The following ARRDC5 variants were observed in gnomAD, a reference collection of about 807,000 sequenced individuals.
The protein encoded by ARRDC5 is arrestin domain containing 5.
Under a neutral mutation model 13.3 loss-of-function variants are expected in ARRDC5, and 12 were observed. That is an observed-to-expected ratio of 0.90 (90% CI 0.58 to 1.46). The LOEUF is 1.46. Among genes scored for constraint, ARRDC5 ranks in the 40% most tolerant of loss-of-function variants. The pLI is 0.00. For synonymous variants in ARRDC5, 181 were observed against 173.4 expected (o/e 1.04, Z -0.34); for missense variants, 406 against 418.7 (o/e 0.97, Z 0.26).
chr19:4,909,271 C>G, the ARRDC5 span: 1 of 527,690 alleles, frequency 1.9e-6, no homozygotes, highest in African/African-American at 2.0e-5. Context: ...GTGACCAGGC[C>G]CTGCCACGCA....
Position 4,891,010 on chromosome 19 carries a change from A to T in ARRDC5, c.*36T>A. On this transcript the variant is annotated 3_prime_UTR_variant, in exon 3 of 3. Coordinates refer to ENST00000650722, the MANE Select transcript of ARRDC5 (RefSeq NM_001080523.3). ...GAGAGAGGGCTTCCTCCTGGTAGAG[A>T]CTAATAAAGCTTTTAATATTTAAAA... is the stretch of plus-strand genomic sequence containing the variant. 4 of 1,558,376 alleles carry T rather than the reference A, an allele frequency of 2.6e-6. No homozygotes were observed. Among genetic ancestry groups the T allele is most frequent in the Non-Finnish European group, 3.5e-6 (4 of 1,149,224 alleles).
chr19:4,902,997 G>C (rs2031976582), upstream of ARRDC5: 1 of 766,050 alleles, frequency 1.3e-6, no homozygotes, highest in Non-Finnish European at 2.1e-6. Flanking sequence ...AGGGTGGGTG[G>C]TTGATTGGGA....
the ARRDC5 span, among the ~76,000 whole-genome samples, chr19:4,915,950 T>C: frequency 2.6e-5 from 4 of 152,134 alleles, no homozygotes; most frequent in Non-Finnish European, 5.9e-5. Context: ...CTTTACATCA[T>C]CCAGAATGAT....
At chr19:4,900,462 C>G (rs2031880708) in intron 1 of ARRDC5, among the ~76,000 whole-genome samples, 1 of 152,116 alleles carries the variant, frequency 6.6e-6, no homozygotes, top group Non-Finnish European at 1.5e-5. Flanking sequence ...TGGCATTATT[C>G]TAAGCGCTTT....
Position 4,891,036 on chromosome 19 carries a change from G to A in ARRDC5, c.*10C>T. 2 of 1,600,732 alleles carry A rather than the reference G, an allele frequency of 1.2e-6. No individual in the cohort carries two copies. The highest frequency in any genetic ancestry group is 8.5e-7 in the Non-Finnish European group (1 of 1,174,152). On this transcript the variant is annotated 3_prime_UTR_variant, in exon 3 of 3. Transcript: ENST00000650722. Reference sequence around the variant, plus strand: ...CTAATAAAGCTTTTAATATTTAAAAGTTCGGGCACTTAATTCTGGTGATCT... The same window carrying A: ...CTAATAAAGCTTTTAATATTTAAAAATTCGGGCACTTAATTCTGGTGATCT...
chr19:4,912,738 T>C, the ARRDC5 span, among the ~76,000 whole-genome samples: 2 of 152,090 alleles, frequency 1.3e-5, no homozygotes, highest in Non-Finnish European at 2.9e-5. Context: ...GTATTTGTTT[T>C]TGGTTCTGTT....
Position 4,902,879 on chromosome 19 carries a change from TC to T in ARRDC5, c.-55del. The T allele has an allele frequency of 6.2e-7, 1 of 1,611,468 alleles. No homozygotes were observed. Among genetic ancestry groups the T allele is most frequent in the Non-Finnish European group, 8.5e-7 (1 of 1,178,594 alleles). ...TCTCTGTCCCCCATGTCCCTGAAAT[TC>T]CCGGTTCGTTGGCCCTAGTGAGGTA... is the stretch of plus-strand genomic sequence containing the variant. On this transcript the variant is annotated 5_prime_UTR_variant, in exon 1 of 3. Coordinates refer to ENST00000650722, the MANE Select transcript of ARRDC5 (RefSeq NM_001080523.3).
At chr19:4,899,764 C>CTAAA in intron 1 of ARRDC5, among the ~76,000 whole-genome samples, 1 of 67,980 alleles carries the variant, frequency 1.5e-5, no homozygotes, top group Non-Finnish European at 2.8e-5. Context: ...CCCGTCTCTA[C>CTAAA]AAAAAAAAAA....
chr19:4,902,941 G>A, upstream of ARRDC5: 1 of 1,527,600 alleles, frequency 6.5e-7, no homozygotes, highest in Non-Finnish European at 8.9e-7. Flanking sequence ...AGAGTTCCGG[G>A]AAGTGGGGAC....
At chr19:4,896,129 A>G (rs2031700179) in intron 2 of ARRDC5, among the ~76,000 whole-genome samples, 1 of 151,986 alleles carries the variant, frequency 6.6e-6, no homozygotes, top group Non-Finnish European at 1.5e-5. Context: ...AGCCTTGCCA[A>G]CATGGCGAAA....
At chr19:4,902,142 G>T (rs900706718) in intron 1 of ARRDC5, among the ~76,000 whole-genome samples, 2 of 151,980 alleles carry the variant, frequency 1.3e-5, no homozygotes, top group Non-Finnish European at 2.9e-5. Context: ...CACCTGCCTC[G>T]GCCTCTCAAA....
At position 4,890,890 on chromosome 19, in the gene ARRDC5, G is replaced by A; in HGVS notation, c.*156C>T. The A allele has an allele frequency of 3.2e-6, 2 of 630,190 alleles. No homozygotes were observed. Among genetic ancestry groups the A allele is most frequent in the Non-Finnish European group, 5.5e-6 (2 of 362,324 alleles). 39.0% of individuals were successfully genotyped at this position (630,190 alleles called of 1,614,324 possible). A position where few individuals can be genotyped will look rare whatever the true frequency, so the allele number is the denominator to read the frequency against. ...CCAGGCATTCAGTGATAGTTCTAGGGAGGGGAGACACAGATACCTAAACCG... is the reference window on the plus strand; with the variant it reads ...CCAGGCATTCAGTGATAGTTCTAGGAAGGGGAGACACAGATACCTAAACCG... On this transcript the variant is annotated 3_prime_UTR_variant, in exon 3 of 3. Coordinates refer to ENST00000650722, the MANE Select transcript of ARRDC5 (RefSeq NM_001080523.3).
At chr19:4,906,398 G>A (rs2032064999), upstream of ARRDC5, among the ~76,000 whole-genome samples, 2 of 152,158 alleles carry the variant, frequency 1.3e-5, no homozygotes. Context: ...TACCTCCTCT[G>A]TGACACTTAA....
At chr19:4,898,563 T>A (rs1195008073) in intron 1 of ARRDC5, among the ~76,000 whole-genome samples, 2 of 152,102 alleles carry the variant, frequency 1.3e-5, no homozygotes, top group Non-Finnish European at 2.9e-5. Flanking sequence ...GGTTTCACCA[T>A]GTTGGCCAGG....
At chr19:4,909,640 C>A in the ARRDC5 span, 26 of 572,550 alleles carry the variant, frequency 4.5e-5, no homozygotes, top group African/African-American at 4.0e-4. Context: ...ACAAGCTGTT[C>A]GCGGCGACCG....
At chr19:4,903,806 T>G (rs567882172), upstream of ARRDC5, among the ~76,000 whole-genome samples, 1 of 152,172 alleles carries the variant, frequency 6.6e-6, no homozygotes, top group South Asian at 2.1e-4. Flanking sequence ...CCCAGGTGCA[T>G]ACACACTCAT....
At chr19:4,898,940 T>C (rs573059036) in intron 1 of ARRDC5, among the ~76,000 whole-genome samples, 2 of 152,102 alleles carry the variant, frequency 1.3e-5, no homozygotes, top group South Asian at 4.2e-4. Flanking sequence ...CTGTGTTTTT[T>C]TCATCACTGC....
chr19:4,916,529 G>C, the ARRDC5 span, among the ~76,000 whole-genome samples: 11 of 152,076 alleles, frequency 7.2e-5, no homozygotes, highest in Non-Finnish European at 2.9e-5. Flanking sequence ...CCGAAGTGCC[G>C]CTCTAGGGTC....
At chr19:4,909,788 C>G in the ARRDC5 span, 1 of 455,524 alleles carries the variant, frequency 2.2e-6, no homozygotes, top group East Asian at 3.6e-5. Context: ...CCAGGGCCTC[C>G]CCTTCCACCT....
Sources: allele counts gnomAD v4.1 joint callset (sites outside exome capture counted in the v4.1 genomes callset), GRCh38; gene constraint gnomAD v4.1.1; transcripts MANE v1.5; gene names NCBI Gene and HGNC (gene_info 2026-07-23, HGNC 2026-07-21).